Variants in CFAP74 observed in about 807,000 individuals in gnomAD.
CFAP74 encodes cilia and flagella associated protein 74.
CFAP74 carries 124 observed loss-of-function variants against 188.9 expected under a neutral mutation model. The observed-to-expected ratio is 0.66, with a 90% CI of 0.57 to 0.76. The LOEUF (loss-of-function observed/expected upper bound fraction) is 0.76. Among genes scored for constraint, CFAP74 ranks in the 30% least tolerant of loss-of-function variants. The pLI is 0.00. For synonymous variants in CFAP74, 956 were observed against 916.7 expected (o/e 1.04, Z -0.77); for missense variants, 2,198 against 2,165.2 (o/e 1.02, Z -0.30).
At chr1:1,991,097 C>T in intron 1 of CFAP74, 122 bp from the exon 2 acceptor site, 2 of 634,304 alleles carry the variant, frequency 3.2e-6, no homozygotes. Context: ...AAAATATTTG[C>T]AGCACACACA....
Position 1,923,347 on chromosome 1 carries a change from C to T in CFAP74, c.4522+20G>A. On this transcript the variant is annotated intron_variant, in intron 36 of 38. Coordinates refer to ENST00000682832, the MANE Select transcript of CFAP74 (RefSeq NM_001304360.2). This position sits in a 1 kb window ranked among gnomAD's most constrained non-coding sequence, Gnocchi z 6.3. ...CACCGGGAGGCCCCGTGTCTGTTCC[C>T]TCCCTGGGGAGGGGCTCACCCTCTC... 6.4e-7 allele frequency: 1 copy of T among 1,551,182 alleles called. No individual in the cohort carries two copies. The highest frequency in any genetic ancestry group is 8.7e-7 in the Non-Finnish European group (1 of 1,145,894).
At position 1,968,899 on chromosome 1, in the gene CFAP74, C is replaced by G. The variant is rs1294251674; in HGVS notation, c.1047-66G>C. On this transcript the variant is annotated intron_variant, in intron 10 of 38. Transcript: ENST00000682832. The surrounding 1 kb of genome is among the most constrained non-coding windows in gnomAD (Gnocchi z 4.3). ...TGCCTCCACCTTGCCCCAGATGAGA[C>G]AGTGCCCGGCGGCCCCTCCCTAGCG... 3 of 1,504,386 alleles carry G rather than the reference C, an allele frequency of 2.0e-6. No homozygotes were observed. The highest frequency in any genetic ancestry group is 2.7e-6 in the Non-Finnish European group (3 of 1,095,394). The allele number at this position is 1,504,386 out of a possible 1,614,324, so 93.2% of individuals were successfully genotyped here.
At chr1:1,926,035 A>G in intron 32 of CFAP74, 97 bp from the exon 33 acceptor site, 1 of 1,434,996 alleles carries the variant, frequency 7.0e-7, no homozygotes, top group Non-Finnish European at 9.3e-7. Flanking sequence ...GCTGGAGTTG[A>G]GACAGCTCTG....
chr1:1,960,810 G>C (rs1655033892), intron 14 of CFAP74, among the ~76,000 whole-genome samples: 1 of 152,242 alleles, frequency 6.6e-6, no homozygotes, highest in East Asian at 1.9e-4. Context: ...GAGAGGAGCA[G>C]AATCCGAGAG....
rs113634649 is a variant in CFAP74 at position 1,926,757 on chromosome 1, G to T, written c.3667C>A (p.His1223Asn). 5 of 1,550,044 alleles carry T rather than the reference G, an allele frequency of 3.2e-6. No homozygotes were observed. The Admixed American group carries it at 7.8e-5, about 24-fold the overall frequency. The change falls in exon 30 of 39, where the codon CAC becomes AAC. Residue 1223 changes from histidine to asparagine, a missense_variant. Transcript: ENST00000682832. ...KGSEPLSFSP[H>N]NTLYLELWCP... ...CACAGCTCCAGGTACAGGGTGTTGT[G>T]GGGGCTGGGATAGGAAGGGCATGCT...
chr1:1,978,676 C>T (rs1389854567), intron 6 of CFAP74, among the ~76,000 whole-genome samples: 2 of 152,194 alleles, frequency 1.3e-5, no homozygotes, highest in Admixed American at 6.5e-5. Flanking sequence ...CAGCCCTGCC[C>T]ACACCTTGAC....
intron 33 of CFAP74, 93 bp from the exon 34 acceptor site, chr1:1,924,613 G>A: frequency 7.0e-7 from 1 of 1,430,280 alleles, no homozygotes; most frequent in Non-Finnish European, 9.4e-7. Context: ...GGTGCTATGA[G>A]GCCACACCCA....
intron 25 of CFAP74, among the ~76,000 whole-genome samples, chr1:1,933,176 G>A (rs1454307172): frequency 2.7e-5 from 4 of 146,566 alleles, no homozygotes; most frequent in African/African-American, 1.0e-4. Context: ...GGGAGCCACC[G>A]TGCCTGACCT....
At position 1,975,407 on chromosome 1, in the gene CFAP74, G is replaced by A. The variant is rs538758319; in HGVS notation, c.501-1209C>T. Among the ~76,000 whole-genome samples, 3 of 152,328 alleles carry A rather than the reference G, an allele frequency of 2.0e-5. No individual in the cohort carries two copies. The highest frequency in any genetic ancestry group is 4.8e-5 in the African/African-American group (2 of 41,584). On this transcript the variant is annotated intron_variant, in intron 6 of 38. Transcript: ENST00000682832. The surrounding 1 kb of genome is among the most constrained non-coding windows in gnomAD (Gnocchi z 4.5). ...AACTCCAACTTGGCAAGGGAGGTGT[G>A]TCTGCGTGTCTCACACGTGGCTGGA...
At chr1:1,977,124 A>G (rs1011771512) in intron 6 of CFAP74, among the ~76,000 whole-genome samples, 2 of 152,182 alleles carry the variant, frequency 1.3e-5, no homozygotes, top group Admixed American at 1.3e-4. Context: ...CTGGGATTAC[A>G]GATGTGAGCC....
At chr1:1,969,917 G>A (rs1017200324) in intron 10 of CFAP74, among the ~76,000 whole-genome samples, 9 of 152,226 alleles carry the variant, frequency 5.9e-5, no homozygotes, top group Non-Finnish European at 1.0e-4. Flanking sequence ...CCAGGCTCCC[G>A]GGATGAGGGC....
chr1:1,935,512 TAG>T (rs1484636719), intron 25 of CFAP74, among the ~76,000 whole-genome samples: 1 of 94,412 alleles, frequency 1.1e-5, no homozygotes, highest in East Asian at 4.0e-4. Flanking sequence ...GCACGTGGGT[TAG>T]GTTGTAGGTA....
chr1:1,995,784 T>C (rs1402958614), intron 1 of CFAP74, among the ~76,000 whole-genome samples: 6 of 151,088 alleles, frequency 4.0e-5, no homozygotes, highest in Admixed American at 4.0e-4. Context: ...GGCGGGCACC[T>C]GTAGTCCCAG....
Position 1,990,958 on chromosome 1 carries a change from C to A in CFAP74, c.-2G>T. The A allele has an allele frequency of 6.2e-7, 1 of 1,608,298 alleles. No individual in the cohort carries two copies. The highest frequency in any genetic ancestry group is 1.1e-5 in the South Asian group (1 of 89,398). ...GAGCAGGCTGCCGTCATCCTCCATG[C>A]TGGGAGATAGAAATTAGCTGCAAAA... On this transcript the variant is annotated 5_prime_UTR_variant, in exon 2 of 39. Transcript: ENST00000682832.
At chr1:1,995,236 C>T (rs1260874368) in intron 1 of CFAP74, among the ~76,000 whole-genome samples, 1 of 152,202 alleles carries the variant, frequency 6.6e-6, no homozygotes, top group African/African-American at 2.4e-5. Context: ...AGGTGGCTCA[C>T]ACCTGTAATC....
intron 24 of CFAP74, 80 bp from the exon 25 acceptor site, chr1:1,939,068 A>C: frequency 2.1e-6 from 3 of 1,396,280 alleles, no homozygotes; most frequent in Non-Finnish European, 2.9e-6. Flanking sequence ...TGAGTGTGAG[A>C]GTAAGAGATG....
chr1:1,976,153 T>C (rs1018237795), intron 6 of CFAP74, among the ~76,000 whole-genome samples: 19 of 152,286 alleles, frequency 1.2e-4, no homozygotes, highest in Admixed American at 9.8e-4. Context: ...AGGGCCCCCA[T>C]GGCCGAATCT....
Position 1,973,036 on chromosome 1 carries a change from T to C in CFAP74, c.686A>G (p.Asn229Ser). The change falls in exon 8 of 39, where the codon AAC becomes AGC. Residue 229 changes from asparagine (N) to serine (S), a missense_variant. Coordinates refer to ENST00000682832, the MANE Select transcript of CFAP74 (RefSeq NM_001304360.2). This position sits in a 1 kb window ranked among gnomAD's most constrained non-coding sequence, Gnocchi z 6.2. ...CCTGAGCCCGAGCTCCTTCTGGGTG[T>C]TCAGGGACTTCCTGTGGGGATATGG... Reference protein sequence around the residue: ...NRLLRIRKSLNTQKELGLRHQ... With the variant: ...NRLLRIRKSLSTQKELGLRHQ... 3 of 1,613,452 alleles carry C rather than the reference T, an allele frequency of 1.9e-6. No individual in the cohort carries two copies. The highest frequency in any genetic ancestry group is 2.5e-6 in the Non-Finnish European group (3 of 1,179,612).
Position 1,923,008 on chromosome 1 carries a change from T to C in CFAP74, c.4660A>G (p.Thr1554Ala). 6.3e-7 allele frequency: 1 copy of C among 1,591,080 alleles called. No homozygotes were observed. The highest frequency in any genetic ancestry group is 8.5e-7 in the Non-Finnish European group (1 of 1,172,240). ...ACCTTCTTTGGAGATGGCTGGGTGG[T>C]CCGGATACAGCCCACCTGCAGCTCT... ...TRELQVGCIRTTQPSPKKTVE... is the reference protein window; with the variant it reads ...TRELQVGCIRATQPSPKKTVE... The change falls in exon 37 of 39, where the codon ACC (threonine) becomes GCC (alanine). Residue 1554 changes from threonine to alanine, a missense_variant. Coordinates refer to ENST00000682832, the MANE Select transcript of CFAP74 (RefSeq NM_001304360.2). This position sits in a 1 kb window ranked among gnomAD's most constrained non-coding sequence, Gnocchi z 6.3.
Sources: gnomAD v4.1 joint callset for allele counts (sites outside exome capture counted in the v4.1 genomes callset) on GRCh38, gnomAD v4.1.1 for gene constraint, Gnocchi (gnomAD v3.1) non-coding constraint, MANE v1.5 for transcripts, NCBI Gene and HGNC (gene_info 2026-07-23, HGNC 2026-07-21) for gene names.